GGT1: variants seen among roughly 807,000 people sequenced by gnomAD.
GGT1 encodes glutathione hydrolase 1 proenzyme.
Under a neutral mutation model 56.0 loss-of-function variants are expected in GGT1, and 21 were observed. The observed-to-expected ratio is 0.38, with a 90% CI of 0.27 to 0.54. The LOEUF (loss-of-function observed/expected upper bound fraction) is 0.54. Ranked by LOEUF, GGT1 falls within the 20% of genes least tolerant of loss-of-function variation. The probability of loss-of-function intolerance (pLI) is 0.82; values close to 1 mark genes in which losing one functional copy is unlikely to be tolerated. For synonymous variants in GGT1, 238 were observed against 342.6 expected (o/e 0.69, Z 3.37); for missense variants, 466 against 787.0 (o/e 0.59, Z 4.88).
At chr22:24,624,046 C>T (rs1285493351) in intron 11 of GGT1, 130 bp downstream of exon 11, 94 of 1,523,458 alleles carry the variant, frequency 6.2e-5, no homozygotes, top group Non-Finnish European at 7.8e-5. Flanking sequence ...CGATTGCGGG[C>T]CTACTGTGTG....
chr22:24,609,758 C>T lies in GGT1; in HGVS notation c.-358-207C>T, dbSNP rs574553867. On this transcript the variant is annotated intron_variant, in intron 2 of 15. Transcript: ENST00000400382. ...TGTTGTCACACCTGTCACCTGCTGCCATAGCCATGAGACTTCCCAAGGGTC... is the reference window on the plus strand; with the variant it reads ...TGTTGTCACACCTGTCACCTGCTGCTATAGCCATGAGACTTCCCAAGGGTC... 1.2e-3 allele frequency: 358 copies of T among 302,860 alleles called. 1 individual carries two copies. Among genetic ancestry groups the T allele is most frequent in the Middle Eastern group, 5.5e-3 (4 of 722 alleles). 18.8% of individuals were successfully genotyped at this position (302,860 alleles called of 1,614,324 possible). A position where few individuals can be genotyped will look rare whatever the true frequency, so the allele number is the denominator to read the frequency against.
At chr22:24,625,548 G>GTT (rs1007309688) in intron 11 of GGT1, among the ~76,000 whole-genome samples, 1 of 146,998 alleles carries the variant, frequency 6.8e-6, no homozygotes, top group African/African-American at 2.5e-5. Context: ...TTACAGGTGT[G>GTT]TTTTTTTTTT....
chr22:24,628,214 C>T lies in GGT1; in HGVS notation c.1449+21C>T. The T allele has an allele frequency of 1.2e-6, 2 of 1,612,038 alleles. No homozygotes were observed. The highest frequency in any genetic ancestry group is 1.7e-6 in the Non-Finnish European group (2 of 1,179,854). On this transcript the variant is annotated intron_variant, in intron 14 of 15. Transcript: ENST00000400382. The surrounding 1 kb of genome is among the most constrained non-coding windows in gnomAD (Gnocchi z 5.7). ...CACTGGTATGTGTCACACCTTTTCT[C>T]CCTGGCCGTGCCCACCCTGCACAGC...
rs536063900 is a variant in GGT1, at chr22:24,623,149, A to C, written c.776A>C (p.Glu259Ala). Reference protein sequence around the residue: ...TAEDLNNYRAELIEHPLNISL... With the variant: ...TAEDLNNYRAALIEHPLNISL... ...GAGGACCTGAACAACTACCGTGCTGAGCTGATCGAGCACCCGCTGAACATC... is the reference window on the plus strand; with the variant it reads ...GAGGACCTGAACAACTACCGTGCTGCGCTGATCGAGCACCCGCTGAACATC... The change falls in exon 10 of 16, where the codon GAG becomes GCG. Residue 259 changes from glutamate to alanine, a missense_variant. Around this residue, in one of 2 missense-constraint regions of GGT1, gnomAD observed 456 missense variants for 716.7 expected, o/e 0.64. Coordinates refer to ENST00000400382, the MANE Select transcript of GGT1 (RefSeq NM_001288833.2). The C allele has an allele frequency of 1.2e-6, 2 of 1,608,808 alleles. No individual in the cohort carries two copies. Among genetic ancestry groups the C allele is most frequent in the Admixed American group, 3.3e-5 (2 of 59,730 alleles).
rs1370328965 is a variant in GGT1 at position 24,603,479 on chromosome 22, T to C, written c.-477T>C. On this transcript the variant is annotated 5_prime_UTR_variant, in exon 1 of 16. Transcript: ENST00000400382. ...AGTGGGAGTGAGTTGCACTTCGGGG[T>C]GAAGGGGGCAAGACTTGTGTGGGCG... 1 of 152,212 alleles carries C rather than the reference T, an allele frequency of 6.6e-6. No individual in the cohort carries two copies. Among genetic ancestry groups the C allele is most frequent in the Non-Finnish European group, 1.5e-5 (1 of 68,124 alleles). 9.4% of individuals were successfully genotyped at this position (152,212 alleles called of 1,614,324 possible). A position where few individuals can be genotyped will look rare whatever the true frequency, so the allele number is the denominator to read the frequency against.
intron 5 of GGT1, among the ~76,000 whole-genome samples, chr22:24,613,763 GAAAGA>G (rs985163415): frequency 3.6e-5 from 5 of 140,696 alleles, no homozygotes; most frequent in East Asian, 2.0e-4. Context: ...AAAAAAAAAA[GAAAGA>G]AAAGAAAAGA....
At chr22:24,616,291 G>A (rs1156485684) in intron 7 of GGT1, among the ~76,000 whole-genome samples, 2 of 151,134 alleles carry the variant, frequency 1.3e-5, no homozygotes, top group Non-Finnish European at 3.0e-5. Flanking sequence ...GCACAGGCCT[G>A]TAATCCCAGC....
intron 1 of GGT1, among the ~76,000 whole-genome samples, chr22:24,596,908 C>CT (rs920182956): frequency 4.4e-5 from 4 of 91,556 alleles, no homozygotes; most frequent in Non-Finnish European, 7.7e-5. Flanking sequence ...GAGCGAGACT[C>CT]TGTCTCAAAA....
chr22:24,592,946 CCCGGCGCTCGTAGGGCGCGGGCCCGCAG>C, upstream of GGT1: 3 of 1,225,956 alleles, frequency 2.4e-6, no homozygotes, highest in Middle Eastern at 6.3e-4. Context: ...AGCCACCGCA[CCCGGCGCTCGTAGGGCGCGGGCCCGCAG>C]CCGGCCGCCG....
upstream of GGT1, among the ~76,000 whole-genome samples, chr22:24,591,454 G>A (rs904579726): frequency 6.6e-6 from 1 of 152,180 alleles, no homozygotes; most frequent in Non-Finnish European, 1.5e-5. Context: ...GACCCCATGT[G>A]GGCCTTCTCC....
upstream of GGT1, among the ~76,000 whole-genome samples, chr22:24,591,976 A>G (rs542630031): frequency 1.3e-5 from 2 of 151,472 alleles, no homozygotes; most frequent in African/African-American, 4.8e-5. Flanking sequence ...CTTGCCCCAC[A>G]TTTTCTCTGT....
the GGT1 span, chr22:24,588,264 G>C: frequency 6.2e-7 from 1 of 1,613,652 alleles, no homozygotes; most frequent in East Asian, 2.2e-5. Flanking sequence ...GCTGCTTCGA[G>C]TGAGGGGTGA....
At chr22:24,607,009 C>T (rs1204567039) in intron 1 of GGT1, among the ~76,000 whole-genome samples, 7 of 151,012 alleles carry the variant, frequency 4.6e-5, no homozygotes, top group East Asian at 3.9e-4. Flanking sequence ...GGGCTGGGTC[C>T]GCAGCTGTTC....
At chr22:24,585,519 A>C in the GGT1 span, 4 of 258,840 alleles carry the variant, frequency 1.5e-5, no homozygotes, top group Non-Finnish European at 3.0e-5. Flanking sequence ...ACCTGGGGGA[A>C]GGTCAGTGTG....
chr22:24,597,967 A>AAG (rs2045722613), intron 1 of GGT1: 1 of 152,176 alleles, frequency 6.6e-6, no homozygotes, highest in South Asian at 2.1e-4. Flanking sequence ...CATCTGACTA[A>AAG]CTGGCTTCTA....
chr22:24,594,360 T>G (rs2045652393), upstream of GGT1, among the ~76,000 whole-genome samples: 1 of 151,220 alleles, frequency 6.6e-6, no homozygotes, highest in South Asian at 2.1e-4. Context: ...CGAGGGCATA[T>G]ATGAGGGACG....
At chr22:24,623,312 C>T (rs2147486087) in intron 10 of GGT1, 56 bp downstream of exon 10, 1 of 1,430,348 alleles carries the variant, frequency 7.0e-7, no homozygotes, top group East Asian at 2.5e-5. Flanking sequence ...CTCTCTCTCC[C>T]CACGCCCCAC....
chr22:24,611,536 T>TATC (rs1234402743), intron 5 of GGT1, among the ~76,000 whole-genome samples: 4 of 115,950 alleles, frequency 3.4e-5, no homozygotes, highest in East Asian at 2.2e-4. Context: ...TCTATCTATC[T>TATC]ATCTATCATC....
chr22:24,608,085 C>G (rs1322966386), intron 2 of GGT1, 62 bp downstream of exon 2: 2 of 455,624 alleles, frequency 4.4e-6, no homozygotes, highest in Non-Finnish European at 9.1e-6. Flanking sequence ...GGCAGCTGAC[C>G]TACTTTCTAG....
Sources: allele counts gnomAD v4.1 joint callset (sites outside exome capture counted in the v4.1 genomes callset), GRCh38; gene constraint gnomAD v4.1.1; regional missense constraint gnomAD v4.1.1; non-coding constraint Gnocchi (gnomAD v3.1); transcripts MANE v1.5; gene names NCBI Gene and HGNC (gene_info 2026-07-23, HGNC 2026-07-21).